Variants in PTPRD observed in about 807,000 individuals in gnomAD.
PTPRD encodes the protein receptor-type tyrosine-protein phosphatase delta.
In PTPRD, 34 loss-of-function variants were observed where a neutral mutation model predicts 214.5. That is an observed-to-expected ratio of 0.16 (90% CI 0.12 to 0.21). PTPRD has a LOEUF of 0.21. Ranked by LOEUF, PTPRD falls within the 10% of genes least tolerant of loss-of-function variation. The pLI is 1.00. For missense variants in PTPRD, 2,545 were observed against 2,398.7 expected, an observed-to-expected ratio of 1.06 and a Z score of -1.27; for synonymous variants, 1,128 against 845.7, an observed-to-expected ratio of 1.33 and a Z score of -5.79.
intron 5 of PTPRD, among the ~76,000 whole-genome samples, chr9:9,914,263 A>T (rs978785156): frequency 1.3e-5 from 2 of 152,152 alleles, no homozygotes; most frequent in African/African-American, 4.8e-5. Context: ...TACTCCAGAC[A>T]TGTCTCTGGC....
At chr9:9,442,790 T>A (rs1423806678) in intron 8 of PTPRD, among the ~76,000 whole-genome samples, 2 of 152,156 alleles carry the variant, frequency 1.3e-5, no homozygotes, top group Non-Finnish European at 2.9e-5. Context: ...TTGGCGGTGG[T>A]TTTAATGTTT....
chr9:8,438,128 C>G (rs1391696142), intron 34 of PTPRD, among the ~76,000 whole-genome samples: 1 of 152,140 alleles, frequency 6.6e-6, no homozygotes, highest in Non-Finnish European at 1.5e-5. Context: ...AGGAAGGCTA[C>G]AGAATGATGG....
chr9:9,367,263 G>A (rs2058138079), intron 9 of PTPRD, among the ~76,000 whole-genome samples: 2 of 151,454 alleles, frequency 1.3e-5, no homozygotes, highest in Non-Finnish European at 3.0e-5. Context: ...TTCACTAGAA[G>A]TTAACTGGAA....
chr9:10,264,812 T>C (rs1242334216), intron 3 of PTPRD, among the ~76,000 whole-genome samples: 2 of 152,100 alleles, frequency 1.3e-5, no homozygotes, highest in Admixed American at 6.5e-5. Context: ...CCAAGTCTCA[T>C]CTTGAATTAT....
intron 2 of PTPRD, among the ~76,000 whole-genome samples, chr9:10,546,202 T>A (rs910468298): frequency 1.4e-5 from 2 of 147,446 alleles, no homozygotes; most frequent in Admixed American, 1.4e-4. Flanking sequence ...GTGCATGTAT[T>A]TATTTTTTTT....
chr9:9,015,313 A>C (rs1422047244), intron 11 of PTPRD, among the ~76,000 whole-genome samples: 5 of 152,104 alleles, frequency 3.3e-5, no homozygotes, highest in Admixed American at 6.6e-5. Context: ...TTGCTGATAA[A>C]ATAGGTTGCA....
chr9:10,339,943 C>T (rs921576821), intron 3 of PTPRD, among the ~76,000 whole-genome samples: 1 of 151,780 alleles, frequency 6.6e-6, no homozygotes, highest in East Asian at 1.9e-4. Context: ...CCTTATTCTT[C>T]ATAACTATAT....
At chr9:9,270,423 G>A (rs894850673) in intron 9 of PTPRD, among the ~76,000 whole-genome samples, 1 of 151,256 alleles carries the variant, frequency 6.6e-6, no homozygotes. Context: ...GCCAATGTTG[G>A]GAAAAAGGGC....
rs561241416 is a variant in PTPRD at position 9,450,803 on chromosome 9, A to C, written c.-236-53321T>G. Among the ~76,000 whole-genome samples, 18 of 151,844 alleles carry C rather than the reference A, an allele frequency of 1.2e-4. No homozygotes were observed. The South Asian group carries it at 3.7e-3, about 32-fold the overall frequency. ...TATCTTTTAAAAAAGAGAACAAAGT[A>C]ATAGAGTTTACTACCAACCATTTTT... On this transcript the variant is annotated intron_variant, in intron 8 of 45. Coordinates refer to ENST00000381196, the MANE Select transcript of PTPRD (RefSeq NM_002839.4).
chr9:9,198,671 A>C (rs897945207), intron 9 of PTPRD, among the ~76,000 whole-genome samples: 1 of 152,200 alleles, frequency 6.6e-6, no homozygotes, highest in Non-Finnish European at 1.5e-5. Context: ...AGTTAGTTTT[A>C]AACTGGTCTG....
intron 3 of PTPRD, among the ~76,000 whole-genome samples, chr9:10,254,918 T>A (rs1485972041): frequency 2.6e-5 from 4 of 152,220 alleles, no homozygotes; most frequent in Non-Finnish European, 5.9e-5. Context: ...TGATGACTTT[T>A]AAGAAATCCA....
At chr9:8,618,951 G>T (rs551645457) in intron 14 of PTPRD, among the ~76,000 whole-genome samples, 1 of 127,138 alleles carries the variant, frequency 7.9e-6, no homozygotes, top group South Asian at 2.5e-4. Context: ...CCGGAAACAG[G>T]GTTTCACCAT....
rs189490279 is a variant in PTPRD at position 8,665,133 on chromosome 9, G to T, written c.65-28289C>A. Among the ~76,000 whole-genome samples, 357 of 152,272 alleles carry T rather than the reference G, an allele frequency of 2.3e-3. 1 individual carries two copies. The highest frequency in any genetic ancestry group is 4.1e-3 in the Non-Finnish European group (282 of 68,016). ...CTGAGTTCGAATTTTTTTGGAGGGA[G>T]GGTGTGGTTCTTTCACAAGCAGTTT... On this transcript the variant is annotated intron_variant, in intron 12 of 45. Coordinates refer to ENST00000381196, the MANE Select transcript of PTPRD (RefSeq NM_002839.4).
intron 7 of PTPRD, among the ~76,000 whole-genome samples, chr9:9,631,967 T>C (rs993356573): frequency 1.1e-4 from 16 of 152,130 alleles, no homozygotes; most frequent in African/African-American, 3.9e-4. Flanking sequence ...AAAAGTAAGG[T>C]TTATAATGGA....
chr9:10,600,411 T>C (rs1406879961), intron 2 of PTPRD, among the ~76,000 whole-genome samples: 1 of 151,750 alleles, frequency 6.6e-6, no homozygotes, highest in Non-Finnish European at 1.5e-5. Context: ...TACACCCAAT[T>C]TCTTAAGATT....
At chr9:8,505,450 A>G (rs1450322887) in intron 22 of PTPRD, among the ~76,000 whole-genome samples, 1 of 151,818 alleles carries the variant, frequency 6.6e-6, no homozygotes, top group African/African-American at 2.4e-5. Flanking sequence ...GTGAAATCCC[A>G]TCTCTCCTAA....
chr9:8,790,293 G>A (rs1012084650), intron 11 of PTPRD, among the ~76,000 whole-genome samples: 1 of 151,914 alleles, frequency 6.6e-6, no homozygotes, highest in African/African-American at 2.4e-5. Flanking sequence ...TAAGATTACA[G>A]GTGTGAGCCG....
rs1351536075 is a variant in PTPRD, at chr9:10,572,702, C to T, written c.-600+39696G>A. On this transcript the variant is annotated intron_variant, in intron 2 of 45. Transcript: ENST00000381196. ...GATTAATTTACATAGAATATTTATT[C>T]TATGTACTCAACTCTCCACTGAATC... Among the ~76,000 whole-genome samples the T allele has an allele frequency of 3.9e-5, 6 of 152,024 alleles. No individual in the cohort carries two copies. In the East Asian group the frequency reaches 1.2e-3, roughly 29 times the overall value.
chr9:8,601,899 G>C (rs1564641010), intron 14 of PTPRD, among the ~76,000 whole-genome samples: 1 of 152,110 alleles, frequency 6.6e-6, no homozygotes, highest in African/African-American at 2.4e-5. Context: ...GGGAATCTAG[G>C]TACAAAAGGT....
Sources: gnomAD v4.1 joint callset for allele counts (sites outside exome capture counted in the v4.1 genomes callset) on GRCh38, gnomAD v4.1.1 for gene constraint, MANE v1.5 for transcripts, NCBI Gene and HGNC (gene_info 2026-07-23, HGNC 2026-07-21) for gene names.